RAI14: variants seen among roughly 807,000 people sequenced by gnomAD.
RAI14 encodes the protein ankycorbin.
A neutral mutation model predicts 115.4 loss-of-function variants in RAI14; 45 were observed. The observed-to-expected ratio is 0.39, with a 90% CI of 0.31 to 0.50. RAI14 has a LOEUF of 0.50. Ranked by LOEUF, RAI14 falls within the 20% of genes least tolerant of loss-of-function variation. RAI14 has a pLI of 0.85. For missense variants in RAI14, 939 were observed against 1,131.2 expected (o/e 0.83, Z 2.44); for synonymous variants, 371 against 415.4 (o/e 0.89, Z 1.30).
intron 10 of RAI14, among the ~76,000 whole-genome samples, chr5:34,812,756 T>C (rs973724284): frequency 3.9e-5 from 6 of 152,366 alleles, no homozygotes; most frequent in Admixed American, 2.6e-4. Context: ...TTCATCTTTT[T>C]CTGAAATGTA....
intron 1 of RAI14, among the ~76,000 whole-genome samples, chr5:34,677,000 G>A (rs1384349172): frequency 6.6e-6 from 1 of 152,064 alleles, no homozygotes; most frequent in Non-Finnish European, 1.5e-5. Flanking sequence ...ATAAAAGAAA[G>A]TTTACTTGTT....
intron 1 of RAI14, among the ~76,000 whole-genome samples, chr5:34,663,667 G>C (rs760523653): frequency 6.6e-6 from 1 of 152,182 alleles, no homozygotes; most frequent in Non-Finnish European, 1.5e-5. Flanking sequence ...CTGCCACACA[G>C]TAGGAGATTA....
At chr5:34,803,487 G>A (rs1467236370) in intron 4 of RAI14, among the ~76,000 whole-genome samples, 1 of 152,096 alleles carries the variant, frequency 6.6e-6, no homozygotes, top group Non-Finnish European at 1.5e-5. Flanking sequence ...AGCCTGGGAG[G>A]TTGAGGCTGC....
chr5:34,690,134 C>T (rs1442088822), intron 2 of RAI14, among the ~76,000 whole-genome samples: 1 of 152,042 alleles, frequency 6.6e-6, no homozygotes, highest in Non-Finnish European at 1.5e-5. Context: ...TTTTGATACA[C>T]GTACATGTGT....
At position 34,780,279 on chromosome 5, in the gene RAI14, A is replaced by C. The variant is rs529857742; in HGVS notation, c.168-15660A>C. ...TAAAACCATAAAAACCCTAGAAGAA[A>C]ACCTAGGCAATACCATTCAGGACAT... is the stretch of plus-strand genomic sequence containing the variant. On this transcript the variant is annotated intron_variant, in intron 3 of 17. Transcript: ENST00000265109. Among the ~76,000 whole-genome samples, 27 of 152,300 alleles carry C rather than the reference A, an allele frequency of 1.8e-4. No homozygotes were observed. The South Asian group carries it at 5.4e-3, about 30-fold the overall frequency.
intron 2 of RAI14, chr5:34,688,197 G>C (rs903937552): frequency 6.4e-7 from 1 of 1,550,920 alleles, no homozygotes; most frequent in Non-Finnish European, 8.7e-7. Flanking sequence ...TCTGCTGGCT[G>C]TATGTTATGC....
chr5:34,728,044 G>T (rs879862979), intron 2 of RAI14, among the ~76,000 whole-genome samples: 1 of 152,186 alleles, frequency 6.6e-6, no homozygotes, highest in Admixed American at 6.5e-5. Flanking sequence ...TGGCCTGGGT[G>T]TGAGACTTGT....
At chr5:34,830,563 A>G (rs1757938405) in intron 17 of RAI14, 125 bp from the exon 18 acceptor site, 2 of 1,488,906 alleles carry the variant, frequency 1.3e-6, no homozygotes, top group South Asian at 1.3e-5. Context: ...TAGGGCTGAC[A>G]TTCCTGTGAA....
chr5:34,767,591 G>GCCCCC (rs1561334151), intron 3 of RAI14, among the ~76,000 whole-genome samples: 1 of 116,750 alleles, frequency 8.6e-6, no homozygotes, highest in African/African-American at 3.3e-5. Flanking sequence ...CACCGCCACC[G>GCCCCC]CCCCCACCAC....
chr5:34,682,606 C>G (rs1416810169), intron 1 of RAI14, among the ~76,000 whole-genome samples: 1 of 152,192 alleles, frequency 6.6e-6, no homozygotes, highest in East Asian at 1.9e-4. Flanking sequence ...ATCAACGTAA[C>G]ATCCATTCTG....
In RAI14 at chr5:34,736,289, T is replaced by G. The variant is rs1744870242; in HGVS notation, c.37-21179T>G. On this transcript the variant is annotated intron_variant, in intron 2 of 17. Transcript: ENST00000265109. ...GGTGGCGTGTGCCTGTAATCCCAGC[T>G]ACTCAGGAGCTGAGGCAGGAGAATA... is the stretch of plus-strand genomic sequence containing the variant. 2.0e-5 allele frequency among the ~76,000 whole-genome samples: 3 copies of G among 152,166 alleles called. No homozygotes were observed. In the South Asian group the frequency reaches 6.2e-4, roughly 32 times the overall value.
chr5:34,730,478 C>A (rs1744036834), intron 2 of RAI14, among the ~76,000 whole-genome samples: 2 of 151,770 alleles, frequency 1.3e-5, no homozygotes, highest in African/African-American at 2.4e-5. Context: ...GAGTTCAAGA[C>A]TAGACTGGTC....
intron 2 of RAI14, chr5:34,728,669 A>G (rs1743791255): frequency 6.6e-6 from 1 of 152,146 alleles, no homozygotes; most frequent in African/African-American, 2.4e-5. Context: ...CTGTGAGTCC[A>G]TTAAACTTCT....
chr5:34,776,615 G>A (rs1353287918), intron 3 of RAI14, among the ~76,000 whole-genome samples: 1 of 152,040 alleles, frequency 6.6e-6, no homozygotes, highest in Non-Finnish European at 1.5e-5. Flanking sequence ...AGGCCAGCCT[G>A]GGCAACATGG....
intron 1 of RAI14, among the ~76,000 whole-genome samples, chr5:34,674,851 A>C (rs1743866390): frequency 6.6e-6 from 1 of 150,702 alleles, no homozygotes; most frequent in Non-Finnish European, 1.5e-5. Context: ...GGGCTTCCAA[A>C]GTGCTGGGAT....
At chr5:34,775,243 C>T (rs1490370385) in intron 3 of RAI14, among the ~76,000 whole-genome samples, 2 of 151,858 alleles carry the variant, frequency 1.3e-5, no homozygotes, top group East Asian at 3.9e-4. Context: ...CACAAACAAC[C>T]AAAACAAAAA....
At chr5:34,672,878 A>G (rs940837677) in intron 1 of RAI14, among the ~76,000 whole-genome samples, 14 of 147,058 alleles carry the variant, frequency 9.5e-5, no homozygotes, top group Admixed American at 6.2e-4. Flanking sequence ...TGTCCTTCTC[A>G]CATTGTTTCT....
intron 2 of RAI14, among the ~76,000 whole-genome samples, chr5:34,719,815 A>C (rs191280314): frequency 9.9e-4 from 151 of 152,356 alleles, no homozygotes; most frequent in African/African-American, 3.5e-3. Context: ...AAGACGCACC[A>C]GCGAAGCCAA....
rs1056439823 is a variant in RAI14 at position 34,827,574 on chromosome 5, C to T, written c.2799+1095C>T. Among the ~76,000 whole-genome samples the T allele has an allele frequency of 1.3e-5, 2 of 152,164 alleles. No individual in the cohort carries two copies. Among genetic ancestry groups the T allele is most frequent in the Admixed American group, 1.3e-4 (2 of 15,268 alleles). Reference sequence around the variant, plus strand: ...TAACTGTAGTGAATTCAGGTTTCTGCAGTCCTTACTCTGGCTGGCCACAAA... The same window carrying T: ...TAACTGTAGTGAATTCAGGTTTCTGTAGTCCTTACTCTGGCTGGCCACAAA... On this transcript the variant is annotated intron_variant, in intron 16 of 17. Transcript: ENST00000265109. The surrounding 1 kb of genome is among the most constrained non-coding windows in gnomAD (Gnocchi z 4.2).
Sources: allele counts gnomAD v4.1 joint callset (sites outside exome capture counted in the v4.1 genomes callset), GRCh38; gene constraint gnomAD v4.1.1; non-coding constraint Gnocchi (gnomAD v3.1); transcripts MANE v1.5; gene names NCBI Gene and HGNC (gene_info 2026-07-23, HGNC 2026-07-21).